Variants in FGF14 observed in about 807,000 individuals in gnomAD.
FGF14 encodes fibroblast growth factor homologous factor 4.
A neutral mutation model predicts 25.5 loss-of-function variants in FGF14; 5 were observed. That is an observed-to-expected ratio of 0.20 (90% CI 0.10 to 0.41). The LOEUF (loss-of-function observed/expected upper bound fraction) is 0.41. FGF14 is among the 10% of genes least tolerant of loss of function. FGF14 has a pLI of 1.00. For missense variants in FGF14, 222 were observed against 320.1 expected (o/e 0.69, Z 2.34); for synonymous variants, 138 against 118.3 (o/e 1.17, Z -1.08).
At chr13:101,832,617 G>A (rs902598655) in intron 3 of FGF14, among the ~76,000 whole-genome samples, 7 of 151,918 alleles carry the variant, frequency 4.6e-5, no homozygotes, top group African/African-American at 1.7e-4. Flanking sequence ...CCCAAGAACG[G>A]AGTGGAAGTA....
At chr13:102,386,637 G>A in intron 1 of FGF14, among the ~76,000 whole-genome samples, 1 of 152,150 alleles carries the variant, frequency 6.6e-6, no homozygotes, top group African/African-American at 2.4e-5. Flanking sequence ...GACACAGAGT[G>A]AACTGAATGA....
intron 1 of FGF14, among the ~76,000 whole-genome samples, chr13:102,101,336 C>A (rs748460922): frequency 1.3e-5 from 2 of 152,072 alleles, no homozygotes; most frequent in Non-Finnish European, 2.9e-5. Context: ...ACATACATAC[C>A]TGGGCCTTCC....
intron 3 of FGF14, among the ~76,000 whole-genome samples, chr13:101,730,557 G>C: frequency 6.6e-6 from 1 of 152,166 alleles, no homozygotes; most frequent in Non-Finnish European, 1.5e-5. Context: ...CTAAAAAACT[G>C]ACATTGACCA....
At chr13:102,158,980 A>G (rs1240614865) in intron 1 of FGF14, among the ~76,000 whole-genome samples, 1 of 151,946 alleles carries the variant, frequency 6.6e-6, no homozygotes, top group Non-Finnish European at 1.5e-5. Flanking sequence ...CTCTACTAAA[A>G]ATACAAAAAT....
At chr13:101,850,473 T>C (rs1290061175) in intron 3 of FGF14, among the ~76,000 whole-genome samples, 6 of 4,168 alleles carry the variant, frequency 1.4e-3, no homozygotes, top group Non-Finnish European at 1.2e-3. Flanking sequence ...TATATATATA[T>C]ATATATATAT....
intron 1 of FGF14, among the ~76,000 whole-genome samples, chr13:102,268,566 T>G (rs1407542267): frequency 1.3e-5 from 2 of 151,404 alleles, no homozygotes; most frequent in African/African-American, 4.9e-5. Context: ...CTCAATAGAG[T>G]TTCTAATAAA....
intron 1 of FGF14, among the ~76,000 whole-genome samples, chr13:102,320,449 T>C (rs752215259): frequency 6.6e-6 from 1 of 152,200 alleles, no homozygotes; most frequent in Non-Finnish European, 1.5e-5. Context: ...AGTTGCCATA[T>C]GACTGCATCC....
At chr13:102,253,012 T>C (rs546892142) in intron 1 of FGF14, among the ~76,000 whole-genome samples, 12 of 152,362 alleles carry the variant, frequency 7.9e-5, no homozygotes, top group African/African-American at 2.9e-4. Context: ...TCATTTTTTA[T>C]GGCTGCATAG....
At chr13:102,249,550 GT>G (rs1360612060) in intron 1 of FGF14, among the ~76,000 whole-genome samples, 3 of 13,574 alleles carry the variant, frequency 2.2e-4, no homozygotes, top group East Asian at 4.4e-3. Context: ...ACTGAGAGGG[GT>G]GTGTGTGTGT....
In FGF14 at chr13:101,992,638, A is replaced by C. The variant is rs1354098484; in HGVS notation, c.209-117342T>G. On this transcript the variant is annotated intron_variant, in intron 1 of 4. Coordinates refer to the FGF14 transcript ENST00000376131. ...AAGCAGAAGGACAGAAATTCCAAAA[A>C]GAATCAAAAGGAGATGCTATAAAAT... Among the ~76,000 whole-genome samples, 3 of 152,238 alleles carry C rather than the reference A, an allele frequency of 2.0e-5. No individual in the cohort carries two copies. In the East Asian group the frequency reaches 5.8e-4, roughly 29 times the overall value.
At chr13:101,910,758 G>A (rs940525196) in intron 1 of FGF14, among the ~76,000 whole-genome samples, 4 of 150,894 alleles carry the variant, frequency 2.7e-5, no homozygotes, top group African/African-American at 9.7e-5. Flanking sequence ...TATGAAATTA[G>A]TTGTTTTCTA....
rs373601568 is a variant in FGF14, at chr13:102,062,440, C to T, written c.209-187144G>A. Among the ~76,000 whole-genome samples the T allele has an allele frequency of 2.5e-4, 38 of 152,142 alleles. No individual in the cohort carries two copies. In the East Asian group the frequency reaches 6.2e-3, roughly 25 times the overall value. On this transcript the variant is annotated intron_variant, in intron 1 of 4. Coordinates refer to the FGF14 transcript ENST00000376131. The stretch of plus-strand genomic sequence containing the variant: ...AAAAATACGACTAGTAAAACAGAAG[C>T]TAACAGTTACTAAGTTGATCTGAAA...
chr13:102,083,755 C>CTT (rs2043753995), intron 1 of FGF14, among the ~76,000 whole-genome samples: 2 of 152,338 alleles, frequency 1.3e-5, no homozygotes, highest in Non-Finnish European at 2.9e-5. Context: ...CGCGGGCACA[C>CTT]TTTCTTGTGC....
chr13:102,200,830 C>A (rs757935745), intron 1 of FGF14, among the ~76,000 whole-genome samples: 1 of 151,878 alleles, frequency 6.6e-6, no homozygotes, highest in East Asian at 1.9e-4. Flanking sequence ...AGCATTGAGG[C>A]GGTAGCTCAT....
chr13:101,769,088 AT>A (rs1462879119), intron 3 of FGF14, among the ~76,000 whole-genome samples: 1 of 152,166 alleles, frequency 6.6e-6, no homozygotes, highest in Non-Finnish European at 1.5e-5. Context: ...AAATATACAA[AT>A]ATCTCTTAAA....
At chr13:102,236,125 C>T (rs1167954243) in intron 1 of FGF14, among the ~76,000 whole-genome samples, 1 of 152,168 alleles carries the variant, frequency 6.6e-6, no homozygotes, top group South Asian at 2.1e-4. Flanking sequence ...AGCTTCAAAC[C>T]TAAGGTGAGT....
chr13:101,718,216 G>A lies in FGF14; in HGVS notation c.*4615C>T, dbSNP rs1317517038. On this transcript the variant is annotated 3_prime_UTR_variant, in exon 5 of 5. Transcript: ENST00000376143. ...ATTTTTACTTATTTCTGTCCACTAT[G>A]TTTGTGTGTATGTGTGTGTTTGTGT... is the stretch of plus-strand genomic sequence containing the variant. 6.6e-6 allele frequency: 1 copy of A among 152,078 alleles called. No homozygotes were observed. The highest frequency in any genetic ancestry group is 1.5e-5 in the Non-Finnish European group (1 of 67,998). 9.4% of individuals were successfully genotyped at this position (152,078 alleles called of 1,614,324 possible).
intron 3 of FGF14, among the ~76,000 whole-genome samples, chr13:101,788,802 C>CT (rs374880000): frequency 1.8e-4 from 27 of 146,710 alleles, no homozygotes; most frequent in African/African-American, 6.0e-4. Flanking sequence ...TTTCTTTGCC[C>CT]TTTTTTCCCA....
chr13:102,029,566 A>G (rs968940144), intron 1 of FGF14, among the ~76,000 whole-genome samples: 1 of 152,254 alleles, frequency 6.6e-6, no homozygotes, highest in Admixed American at 6.5e-5. Context: ...AAACTATAAG[A>G]TCTCTACTGC....
Sources: gnomAD v4.1 joint callset for allele counts (sites outside exome capture counted in the v4.1 genomes callset) on GRCh38, gnomAD v4.1.1 for gene constraint, MANE v1.5 for transcripts, NCBI Gene and HGNC (gene_info 2026-07-23, HGNC 2026-07-21) for gene names.